The following XG variants were observed in gnomAD, a reference collection of about 807,000 sequenced individuals.
The protein encoded by XG is Xg glycoprotein (Xg blood group), also known as glycoprotein Xg.
Under a neutral mutation model 25.7 loss-of-function variants are expected in XG, and 24 were observed. The observed-to-expected ratio is 0.93, with a 90% CI of 0.68 to 1.31. The LOEUF is 1.31. XG is among the 40% of genes most tolerant of loss of function. The pLI is 0.00. For synonymous variants in XG, 77 were observed against 69.2 expected (o/e 1.11, Z -0.56); for missense variants, 181 against 187.6 (o/e 0.96, Z 0.21).
At chrX:2,754,344 C>T (rs1219318033) in intron 1 of XG, among the ~76,000 whole-genome samples, 2 of 152,184 alleles carry the variant, frequency 1.3e-5, no homozygotes, top group Non-Finnish European at 2.9e-5. Flanking sequence ...AAACGATCCT[C>T]CTGCCTTGGC....
chrX:2,791,179 C>T (rs1391478799), intron 5 of XG, among the ~76,000 whole-genome samples: 1 of 110,377 alleles, frequency 9.1e-6, no homozygotes, highest in African/African-American at 3.3e-5. Flanking sequence ...TTGTGTCTCA[C>T]GAACGTGAGA....
intron 3 of XG, among the ~76,000 whole-genome samples, chrX:2,780,288 AAAG>A (rs201732665): frequency 0.075 from 11,396 of 152,156 alleles, 522 homozygotes; most frequent in Middle Eastern, 0.13. Flanking sequence ...AGAAAAATTC[AAAG>A]AAGAGGGAAT....
At chrX:2,767,478 C>T (rs1356592019) in intron 1 of XG, among the ~76,000 whole-genome samples, 4 of 152,120 alleles carry the variant, frequency 2.6e-5, no homozygotes, top group African/African-American at 7.2e-5. Context: ...GATTAAAAGC[C>T]GCTCAGTTCA....
intron 1 of XG, among the ~76,000 whole-genome samples, chrX:2,758,238 A>G (rs1030979844): frequency 2.0e-5 from 3 of 151,944 alleles, no homozygotes; most frequent in African/African-American, 4.8e-5. Flanking sequence ...GCGTGTAGCC[A>G]TTTCGTGCAG....
chrX:2,754,551 C>T (rs1217742856), intron 1 of XG, among the ~76,000 whole-genome samples: 1 of 152,044 alleles, frequency 6.6e-6, no homozygotes, highest in Non-Finnish European at 1.5e-5. Flanking sequence ...AGGGACAGAA[C>T]TAATGCAATA....
chrX:2,753,447 C>G (rs2050373444), intron 1 of XG, among the ~76,000 whole-genome samples: 1 of 152,150 alleles, frequency 6.6e-6, no homozygotes, highest in Non-Finnish European at 1.5e-5. Context: ...CTACAAAGTG[C>G]GGATACAGAC....
chrX:2,756,593 A>T lies in XG; in HGVS notation c.61+4258A>T, dbSNP rs1410214543. The stretch of plus-strand genomic sequence containing the variant: ...TACATCTGTTATGCATCAATTAAAA[A>T]TAAATTAAAAGAAAAGGATATATGT... On this transcript the variant is annotated intron_variant, in intron 1 of 10. Coordinates refer to ENST00000644266, the MANE Select transcript of XG (RefSeq NM_001141919.2). Among the ~76,000 whole-genome samples the T allele has an allele frequency of 2.0e-5, 3 of 151,854 alleles. No individual in the cohort carries two copies. In the South Asian group the frequency reaches 6.2e-4, roughly 32 times the overall value.
chrX:2,803,216 A>G (rs12006597), intron 7 of XG, among the ~76,000 whole-genome samples: 7,423 of 110,793 alleles, frequency 0.067, 626 homozygotes, highest in African/African-American at 0.23. Flanking sequence ...CAGTGGTGCA[A>G]TCATAGCTCA....
Position 2,789,729 on chromosome X carries a change from T to TTTTTA in XG, c.253+49_253+53dup, listed in dbSNP as rs761079287. On this transcript the variant is annotated intron_variant, in intron 5 of 10. Coordinates refer to ENST00000644266, the MANE Select transcript of XG (RefSeq NM_001141919.2). Reference sequence around the variant, plus strand: ...GAGGTAATGAGTATTTATTTATTTATTTTTATTTTATTTTATTTTATTTTA... The same window carrying TTTTTA: ...GAGGTAATGAGTATTTATTTATTTATTTTTATTTTATTTTATTTTATTTTATTTTA... 2.8e-3 allele frequency: 2,461 copies of TTTTTA among 864,211 alleles called. 9 individuals are homozygous for TTTTTA. The highest frequency in any genetic ancestry group is 0.019 in the East Asian group (446 of 23,911). 71.2% of individuals were successfully genotyped at this position (864,211 alleles called of 1,213,427 possible). A position where few individuals can be genotyped will look rare whatever the true frequency, so the allele number is the denominator to read the frequency against.
At chrX:2,790,160 A>G (rs1455664087) in intron 5 of XG, among the ~76,000 whole-genome samples, 1 of 111,712 alleles carries the variant, frequency 9.0e-6, no homozygotes, top group African/African-American at 3.2e-5. Flanking sequence ...GATTACAGGC[A>G]CCAGCTATTG....
intron 1 of XG, among the ~76,000 whole-genome samples, chrX:2,770,313 G>A (rs770295466): frequency 6.6e-6 from 1 of 152,278 alleles, no homozygotes; most frequent in African/African-American, 2.4e-5. Context: ...GGGCTGGGGA[G>A]GCGGGAGGGG....
chrX:2,812,009 AAAAG>A (rs1214159139), intron 10 of XG, among the ~76,000 whole-genome samples: 90 of 112,169 alleles, frequency 8.0e-4, no homozygotes, highest in African/African-American at 2.8e-3. Context: ...AAAGGAAAGA[AAAAG>A]AAACAAACAA....
intron 3 of XG, among the ~76,000 whole-genome samples, chrX:2,778,884 G>T (rs886744190): frequency 2.7e-5 from 4 of 150,816 alleles, no homozygotes; most frequent in Middle Eastern, 3.2e-3. Context: ...AGTAATTCTC[G>T]TGCCTCAGCT....
chrX:2,758,603 A>G (rs1228135207), intron 1 of XG, among the ~76,000 whole-genome samples: 5 of 152,178 alleles, frequency 3.3e-5, no homozygotes, highest in African/African-American at 7.2e-5. Context: ...AGCCATTCTC[A>G]ACCAGGGATC....
intron 2 of XG, among the ~76,000 whole-genome samples, chrX:2,770,910 A>G (rs1339625096): frequency 2.6e-5 from 4 of 152,014 alleles, no homozygotes; most frequent in Non-Finnish European, 5.9e-5. Context: ...CAGTGGTGCA[A>G]TCATAGCTTA....
chrX:2,772,200 G>A (rs1199330564), intron 2 of XG, among the ~76,000 whole-genome samples: 4 of 152,148 alleles, frequency 2.6e-5, no homozygotes, highest in African/African-American at 9.7e-5. Context: ...TGTGACCCAG[G>A]AGTTCCACTT....
At chrX:2,801,406 T>A (rs1394783117) in intron 7 of XG, among the ~76,000 whole-genome samples, 3 of 111,617 alleles carry the variant, frequency 2.7e-5, no homozygotes, top group Non-Finnish European at 5.6e-5. Context: ...CCGCAGCAGC[T>A]TTTGTAGGCA....
chrX:2,801,803 G>C (rs1351207770), intron 7 of XG, among the ~76,000 whole-genome samples: 4 of 111,036 alleles, frequency 3.6e-5, no homozygotes, highest in Non-Finnish European at 5.7e-5. Flanking sequence ...CCGCCTCCCG[G>C]GTTCACGCCA....
At chrX:2,774,415 C>T (rs765408644) in intron 2 of XG, among the ~76,000 whole-genome samples, 10 of 111,850 alleles carry the variant, frequency 8.9e-5, no homozygotes, top group East Asian at 2.9e-4. Context: ...CACCCTCCAC[C>T]GTCCAGCCCT....
Sources: gnomAD v4.1 joint callset for allele counts (sites outside exome capture counted in the v4.1 genomes callset) on GRCh38, gnomAD v4.1.1 for gene constraint, MANE v1.5 for transcripts, NCBI Gene and HGNC (gene_info 2026-07-23, HGNC 2026-07-21) for gene names.